PCDHGA11: variants seen among roughly 807,000 people sequenced by gnomAD.
PCDHGA11 encodes the protein protocadherin gamma subfamily A, 11.
A neutral mutation model predicts 60.4 loss-of-function variants in PCDHGA11; 39 were observed. The observed-to-expected ratio is 0.65, with a 90% CI of 0.50 to 0.84. The LOEUF (loss-of-function observed/expected upper bound fraction) is 0.84, where lower values mean the gene tolerates loss of function less well. PCDHGA11 is among the 40% of genes least tolerant of loss of function. The pLI is 0.00. For synonymous variants in PCDHGA11, 533 were observed against 510.3 expected, an observed-to-expected ratio of 1.04 and a Z score of -0.60; for missense variants, 1,165 against 1,197.7, an observed-to-expected ratio of 0.97 and a Z score of 0.40.
rs777924092 is a variant in PCDHGA11 at position 141,487,482 on chromosome 5, A to T, written c.2434-7325A>T. The T allele has an allele frequency of 1.2e-6, 2 of 1,614,164 alleles. No individual in the cohort carries two copies. Among genetic ancestry groups the T allele is most frequent in the South Asian group, 2.2e-5 (2 of 91,086 alleles). ...TTTGTTGATGTGGGAGGCCACTCTCATGGCTGTACACCCTTGGCTTCTGCA... is the reference window on the plus strand; with the variant it reads ...TTTGTTGATGTGGGAGGCCACTCTCTTGGCTGTACACCCTTGGCTTCTGCA... On this transcript the variant is annotated intron_variant, in intron 1 of 3. Coordinates refer to ENST00000398587, the MANE Select transcript of PCDHGA11 (RefSeq NM_018914.3). The surrounding 1 kb of genome is among the most constrained non-coding windows in gnomAD (Gnocchi z 5.0).
At chr5:141,428,058 G>A (rs752468507) in intron 1 of PCDHGA11, 4 of 1,609,140 alleles carry the variant, frequency 2.5e-6, no homozygotes, top group South Asian at 1.1e-5. Flanking sequence ...GGTGGTGGCG[G>A]TGGACGCAGA....
intron 1 of PCDHGA11, chr5:141,478,308 T>A: frequency 6.2e-7 from 1 of 1,614,050 alleles, no homozygotes; most frequent in Non-Finnish European, 8.5e-7. Context: ...CGAGCCCCGG[T>A]GAGCTCACTG....
rs1043628660 is a variant in PCDHGA11, at chr5:141,478,879, G to A, written c.2434-15928G>A. On this transcript the variant is annotated intron_variant, in intron 1 of 3. Coordinates refer to ENST00000398587, the MANE Select transcript of PCDHGA11 (RefSeq NM_018914.3). ...GATCTCAGCGATCAGAGTTTAGCTT[G>A]GTATCATTTACATTAGGAATAAGCT... is the stretch of plus-strand genomic sequence containing the variant. 9 of 1,243,630 alleles carry A rather than the reference G, an allele frequency of 7.2e-6. No homozygotes were observed. The African/African-American group carries it at 1.1e-4, about 15-fold the overall frequency. The allele number at this position is 1,243,630 out of a possible 1,614,324, so 77.0% of individuals were successfully genotyped here.
chr5:141,498,002 C>T (rs1442305270), intron 2 of PCDHGA11, among the ~76,000 whole-genome samples: 2 of 152,178 alleles, frequency 1.3e-5, no homozygotes, highest in East Asian at 1.9e-4. Flanking sequence ...AAGGAGTTTA[C>T]AGTGCACTGA....
intron 1 of PCDHGA11, chr5:141,484,855 G>T (rs1178318896): frequency 3.9e-6 from 1 of 257,336 alleles, no homozygotes; most frequent in East Asian, 8.3e-5. Context: ...GTTTTTTGGG[G>T]GGTGGGGGAG....
chr5:141,421,235 A>G lies in PCDHGA11; in HGVS notation c.8A>G (p.Asn3Ser), dbSNP rs1375447356. Residue 3 changes from asparagine (N) to serine (S), a missense_variant, in exon 1 of 4, where the codon AAT (asparagine) becomes AGT (serine). Coordinates refer to ENST00000398587, the MANE Select transcript of PCDHGA11 (RefSeq NM_018914.3). ...ATCGGCTTAGAGCCTGCCATGGCGA[A>G]TCGGCTACAGCGCGGGGACCGCAGT... is the stretch of plus-strand genomic sequence containing the variant. MANRLQRGDRSRL... is the reference protein window; with the variant it reads MASRLQRGDRSRL... The G allele has an allele frequency of 1.9e-6, 3 of 1,594,470 alleles. No individual in the cohort carries two copies. Among genetic ancestry groups the G allele is most frequent in the East Asian group, 2.2e-5 (1 of 44,642 alleles).
intron 2 of PCDHGA11, among the ~76,000 whole-genome samples, chr5:141,502,908 C>G (rs1398336138): frequency 1.5e-5 from 2 of 132,418 alleles, no homozygotes; most frequent in Non-Finnish European, 3.0e-5. Flanking sequence ...TGTTGCCAGG[C>G]TGGAGTGCAG....
chr5:141,478,560 A>G, intron 1 of PCDHGA11: 1 of 1,598,736 alleles, frequency 6.3e-7, no homozygotes, highest in Non-Finnish European at 8.5e-7. Flanking sequence ...AGGTTTAGCA[A>G]GTCATGCTTG....
At position 141,491,137 on chromosome 5, in the gene PCDHGA11, GC is replaced by G. The variant is rs1373404184; in HGVS notation, c.2434-3668del. ...CACTGGTGAGGTGCGCACAGCCCGG[GC>G]CTTACTGGAGGATGACTCTGACACC... On this transcript the variant is annotated intron_variant, in intron 1 of 3. Transcript: ENST00000398587. This position sits in a 1 kb window ranked among gnomAD's most constrained non-coding sequence, Gnocchi z 6.9. The G allele has an allele frequency of 1.2e-6, 2 of 1,614,156 alleles. No individual in the cohort carries two copies. Among genetic ancestry groups the G allele is most frequent in the Non-Finnish European group, 1.7e-6 (2 of 1,180,008 alleles).
chr5:141,502,784 G>C (rs185608958), intron 2 of PCDHGA11, among the ~76,000 whole-genome samples: 1 of 151,804 alleles, frequency 6.6e-6, no homozygotes, highest in Non-Finnish European at 1.5e-5. Flanking sequence ...AAATTACCTG[G>C]ATGATTTCTT....
At chr5:141,474,090 AAACAACAACAAAAAC>A (rs1459798801) in intron 1 of PCDHGA11, among the ~76,000 whole-genome samples, 1 of 152,206 alleles carries the variant, frequency 6.6e-6, no homozygotes, top group African/African-American at 2.4e-5. Flanking sequence ...ACCAAAAAAC[AAACAACAACAAAAAC>A]AACAACAACG....
At position 141,487,543 on chromosome 5, in the gene PCDHGA11, A is replaced by G. The variant is rs2099649285; in HGVS notation, c.2434-7264A>G. On this transcript the variant is annotated intron_variant, in intron 1 of 3. Coordinates refer to ENST00000398587, the MANE Select transcript of PCDHGA11 (RefSeq NM_018914.3). This position sits in a 1 kb window ranked among gnomAD's most constrained non-coding sequence, Gnocchi z 5.0. ...GTGATAGCTTCATGATGGTGAAGTC[A>G]CCCAGTGCACCTATGGCAGGGGAGC... is the stretch of plus-strand genomic sequence containing the variant. The G allele has an allele frequency of 3.7e-6, 6 of 1,614,114 alleles. No homozygotes were observed. In the South Asian group the frequency reaches 5.5e-5, roughly 15 times the overall value.
At chr5:141,447,400 A>G (rs904985523) in intron 1 of PCDHGA11, among the ~76,000 whole-genome samples, 1 of 152,090 alleles carries the variant, frequency 6.6e-6, no homozygotes, top group Non-Finnish European at 1.5e-5. Flanking sequence ...GGCCTCCCAA[A>G]GTGCTGGGAT....
At position 141,432,370 on chromosome 5, in the gene PCDHGA11, C is replaced by A. The variant is rs1362496624; in HGVS notation, c.2433+8710C>A. On this transcript the variant is annotated intron_variant, in intron 1 of 3. Transcript: ENST00000398587. The surrounding 1 kb of genome is among the most constrained non-coding windows in gnomAD (Gnocchi z 6.0). Reference sequence around the variant, plus strand: ...AAGTGAAAGTGATGGCGCGGGACAACGGGCACCCGCCCCTCAGCAGCAACG... The same window carrying A: ...AAGTGAAAGTGATGGCGCGGGACAAAGGGCACCCGCCCCTCAGCAGCAACG... The A allele has an allele frequency of 6.2e-7, 1 of 1,614,240 alleles. No homozygotes were observed. The highest frequency in any genetic ancestry group is 8.5e-7 in the Non-Finnish European group (1 of 1,180,048).
intron 1 of PCDHGA11, among the ~76,000 whole-genome samples, chr5:141,449,339 G>T (rs1307731679): frequency 6.6e-6 from 1 of 151,930 alleles, no homozygotes; most frequent in Non-Finnish European, 1.5e-5. Context: ...AGGTGCAGTG[G>T]CTCACTCCTG....
intron 1 of PCDHGA11, among the ~76,000 whole-genome samples, chr5:141,443,696 T>C (rs1293017505): frequency 6.6e-6 from 1 of 152,308 alleles, no homozygotes; most frequent in Admixed American, 6.5e-5. Context: ...TCAAAAATTA[T>C]AGAATAACAT....
chr5:141,476,446 G>A lies in PCDHGA11; in HGVS notation c.2434-18361G>A. On this transcript the variant is annotated intron_variant, in intron 1 of 3. Transcript: ENST00000398587. This position sits in a 1 kb window ranked among gnomAD's most constrained non-coding sequence, Gnocchi z 7.6. Reference sequence around the variant, plus strand: ...CCTCTTGCACTGTAACTCTGGAGTTGGTAGTGGAGAACCCGCTGGAGCTGT... The same window carrying A: ...CCTCTTGCACTGTAACTCTGGAGTTAGTAGTGGAGAACCCGCTGGAGCTGT... 6.2e-7 allele frequency: 1 copy of A among 1,614,144 alleles called. No homozygotes were observed. Among genetic ancestry groups the A allele is most frequent in the South Asian group, 1.1e-5 (1 of 91,072 alleles).
At chr5:141,447,390 G>A (rs1048677634) in intron 1 of PCDHGA11, among the ~76,000 whole-genome samples, 4 of 151,976 alleles carry the variant, frequency 2.6e-5, no homozygotes, top group Admixed American at 6.6e-5. Flanking sequence ...TGCCCACCTC[G>A]GCCTCCCAAA....
chr5:141,490,419 G>C lies in PCDHGA11; in HGVS notation c.2434-4388G>C. The C allele has an allele frequency of 6.2e-7, 1 of 1,614,170 alleles. No homozygotes were observed. Among genetic ancestry groups the C allele is most frequent in the Non-Finnish European group, 8.5e-7 (1 of 1,180,020 alleles). ...TGAGCCTTGATATCTCTCCGGACCT[G>C]CCATTTCAGATTAAGCCTTCTGAGA... On this transcript the variant is annotated intron_variant, in intron 1 of 3. Transcript: ENST00000398587. The surrounding 1 kb of genome is among the most constrained non-coding windows in gnomAD (Gnocchi z 5.4).
Sources: gnomAD v4.1 joint callset for allele counts (sites outside exome capture counted in the v4.1 genomes callset) on GRCh38, gnomAD v4.1.1 for gene constraint, Gnocchi (gnomAD v3.1) non-coding constraint, MANE v1.5 for transcripts, NCBI Gene and HGNC (gene_info 2026-07-23, HGNC 2026-07-21) for gene names.